Variants in KNOP1 observed in about 807,000 individuals in gnomAD.
KNOP1 encodes lysine rich nucleolar protein 1.
KNOP1 carries 20 observed loss-of-function variants against 30.6 expected under a neutral mutation model. The observed-to-expected ratio is 0.65, with a 90% CI of 0.46 to 0.95. The LOEUF (loss-of-function observed/expected upper bound fraction) is 0.95. KNOP1 is among the 40% of genes least tolerant of loss of function. KNOP1 has a pLI of 0.00. For missense variants in KNOP1, 540 were observed against 562.0 expected (o/e 0.96, Z 0.40); for synonymous variants, 204 against 210.0 (o/e 0.97, Z 0.25).
At position 19,715,165 on chromosome 16, in the gene KNOP1, T is replaced by C. The variant is rs538195900; in HGVS notation, c.-2-128A>G. On this transcript the variant is annotated intron_variant, in intron 1 of 4. Transcript: ENST00000219837. ...CGTTGTGGGACAGGGAAAATGGACA[T>C]GATTCCTTTAAAGCAAAAAAAGAAA... 9 of 626,022 alleles carry C rather than the reference T, an allele frequency of 1.4e-5. No individual in the cohort carries two copies. In the East Asian group the frequency reaches 1.9e-4, roughly 14 times the overall value. The allele number at this position is 626,022 out of a possible 1,614,324, so 38.8% of individuals were successfully genotyped here. A position where few individuals can be genotyped will look rare whatever the true frequency, so the allele number is the denominator to read the frequency against.
intron 1 of KNOP1, chr16:19,715,455 C>G (rs1597477690): frequency 6.8e-6 from 1 of 147,384 alleles, no homozygotes; most frequent in East Asian, 2.0e-4. Context: ...TGCTCTGTCA[C>G]CCAAGCTGGA....
rs960887381 is a variant in KNOP1 at position 19,703,815 on chromosome 16, A to T, written c.*3095T>A. 2 of 152,230 alleles carry T rather than the reference A, an allele frequency of 1.3e-5. No homozygotes were observed. The highest frequency in any genetic ancestry group is 2.4e-5 in the African/African-American group (1 of 41,462). The allele number at this position is 152,230 out of a possible 1,614,324, so 9.4% of individuals were successfully genotyped here. ...TAAGTCCATTCTGAAGACACCCAGCATTGTGGTGTCTTGGCTGCCCAACCT... is the reference window on the plus strand; with the variant it reads ...TAAGTCCATTCTGAAGACACCCAGCTTTGTGGTGTCTTGGCTGCCCAACCT... On this transcript the variant is annotated 3_prime_UTR_variant, in exon 5 of 5. Coordinates refer to ENST00000219837, the MANE Select transcript of KNOP1 (RefSeq NM_001012991.3).
intron 4 of KNOP1, among the ~76,000 whole-genome samples, chr16:19,708,555 T>C (rs571504629): frequency 4.2e-4 from 64 of 152,236 alleles, no homozygotes; most frequent in African/African-American, 1.4e-3. Context: ...GCACGATGCA[T>C]GGCACACCTC....
chr16:19,713,878 A>G (rs1475380251), intron 2 of KNOP1, among the ~76,000 whole-genome samples: 2 of 152,168 alleles, frequency 1.3e-5, no homozygotes, highest in Non-Finnish European at 2.9e-5. Context: ...GATACCTGCA[A>G]TTATCGATGA....
intron 1 of KNOP1, chr16:19,717,707 G>A: frequency 1.0e-6 from 1 of 987,800 alleles, no homozygotes; most frequent in East Asian, 1.1e-4. Flanking sequence ...ACAGCCTTGT[G>A]AAGATCTTTG....
chr16:19,714,367 A>C lies in KNOP1; in HGVS notation c.669T>G (p.Asp223Glu). 1.9e-6 allele frequency: 3 copies of C among 1,613,032 alleles called. No homozygotes were observed. The highest frequency in any genetic ancestry group is 2.5e-6 in the Non-Finnish European group (3 of 1,179,748). The change falls in exon 2 of 5, where the codon GAT (aspartate) becomes GAG (glutamate). Residue 223 changes from aspartate to glutamate, a missense_variant. Asp to Glu is a conservative substitution (Grantham distance 45, BLOSUM62 2). Coordinates refer to ENST00000219837, the MANE Select transcript of KNOP1 (RefSeq NM_001012991.3). ...KKKKKIHQEG[D>E]ALPGHSKPSR... ...AGGGCTTGGAGTGGCCTGGGAGGGC[A>C]TCTCCCTCCTGGTGGATTTTTTTTT...
At chr16:19,716,450 G>A (rs1408215121) in intron 1 of KNOP1, 1 of 152,322 alleles carries the variant, frequency 6.6e-6, no homozygotes, top group Non-Finnish European at 1.5e-5. Context: ...ACTGCAGGAT[G>A]GTGGTATTAA....
At position 19,704,934 on chromosome 16, in the gene KNOP1, G is replaced by C; in HGVS notation, c.*1976C>G. The C allele has an allele frequency of 3.1e-6, 1 of 318,224 alleles. No individual in the cohort carries two copies. The highest frequency in any genetic ancestry group is 2.7e-5 in the South Asian group (1 of 36,886). 19.7% of individuals were successfully genotyped at this position (318,224 alleles called of 1,614,324 possible). On this transcript the variant is annotated 3_prime_UTR_variant, in exon 5 of 5. Coordinates refer to ENST00000219837, the MANE Select transcript of KNOP1 (RefSeq NM_001012991.3). ...GTGCCTGCCTCACCTCTGCCCAATG[G>C]GCAGCTGTGGACACCATGGCCACTT...
At chr16:19,709,665 C>A (rs1038392076) in intron 4 of KNOP1, among the ~76,000 whole-genome samples, 5 of 152,200 alleles carry the variant, frequency 3.3e-5, no homozygotes, top group African/African-American at 7.2e-5. Flanking sequence ...CCTTAGGGGT[C>A]TGCACCGGCC....
chr16:19,710,380 C>G, intron 4 of KNOP1, 129 bp downstream of exon 4: 1 of 881,406 alleles, frequency 1.1e-6, no homozygotes, highest in Non-Finnish European at 1.9e-6. Flanking sequence ...GAGCCTGCTG[C>G]AGGCTAGGGC....
intron 1 of KNOP1, chr16:19,716,428 T>A (rs957979548): frequency 2.0e-5 from 3 of 152,244 alleles, no homozygotes; most frequent in African/African-American, 7.2e-5. Context: ...TCAGGAAAAT[T>A]TCTGAAGAAC....
chr16:19,711,385 G>A lies in KNOP1; in HGVS notation c.974C>T (p.Ala325Val), dbSNP rs752388534. 6.2e-6 allele frequency: 10 copies of A among 1,613,972 alleles called. No individual in the cohort carries two copies. Among genetic ancestry groups the A allele is most frequent in the Middle Eastern group, 1.7e-4 (1 of 5,994 alleles). Residue 325 changes from alanine (A) to valine (V), a missense_variant, in exon 3 of 5, where the codon GCG becomes GTG. Coordinates refer to ENST00000219837, the MANE Select transcript of KNOP1 (RefSeq NM_001012991.3). ...TCTGGGCTGTACCTGGTCTATGTGC[G>A]CCTCATCCATGTTGCCTTTTTTTTC... ...VLEKKGNMDE[A>V]HIDQVRRKAL...
At chr16:19,713,732 A>AT (rs1162490276) in intron 2 of KNOP1, among the ~76,000 whole-genome samples, 1 of 152,054 alleles carries the variant, frequency 6.6e-6, no homozygotes, top group Non-Finnish European at 1.5e-5. Context: ...ACGTTATCTC[A>AT]TGTTACTTGG....
chr16:19,714,345 G>A lies in KNOP1; in HGVS notation c.691C>T (p.Pro231Ser), dbSNP rs1337322492. The A allele has an allele frequency of 6.2e-7, 1 of 1,613,962 alleles. No homozygotes were observed. Among genetic ancestry groups the A allele is most frequent in the South Asian group, 1.1e-5 (1 of 91,054 alleles). ...EGDALPGHSKPSRSMESSPRK... is the reference protein window; with the variant it reads ...EGDALPGHSKSSRSMESSPRK... ...GGGCTGCTCTCCATGGACCTGGAGG[G>A]CTTGGAGTGGCCTGGGAGGGCATCT... Residue 231 changes from proline to serine, a missense_variant, in exon 2 of 5, where the codon CCC becomes TCC. Physicochemically the swap from Pro to Ser is moderately conservative, Grantham distance 74. Transcript: ENST00000219837.
rs372873662 is a variant in KNOP1 at position 19,707,026 on chromosome 16, C to G, written c.1261G>C (p.Asp421His). Residue 421 changes from aspartate (D) to histidine (H), a missense_variant, in exon 5 of 5, where the codon GAC (aspartate) becomes CAC (histidine). Physicochemically the swap from Asp to His is moderately conservative, Grantham distance 81 (BLOSUM62 -1). Coordinates refer to ENST00000219837, the MANE Select transcript of KNOP1 (RefSeq NM_001012991.3). The part of the protein sequence containing the change: ...SLQQNLQRDY[D>H]RAMSWKYSRG... Reference sequence around the variant, plus strand: ...CTGTACTTCCAGCTCATGGCCCGGTCGTAGTCCCGCTGCAGATTCTGCTGC... The same window carrying G: ...CTGTACTTCCAGCTCATGGCCCGGTGGTAGTCCCGCTGCAGATTCTGCTGC... 1.9e-6 allele frequency: 3 copies of G among 1,614,086 alleles called. No individual in the cohort carries two copies. The highest frequency in any genetic ancestry group is 1.3e-5 in the African/African-American group (1 of 75,050).
intron 4 of KNOP1, 104 bp from the exon 5 acceptor site, chr16:19,707,325 C>T: frequency 2.3e-6 from 2 of 867,790 alleles, no homozygotes; most frequent in South Asian, 1.5e-5. Context: ...TAGATGGCTG[C>T]TGTGTACCAG....
chr16:19,710,617 T>C (rs1555511335), intron 3 of KNOP1, 31 bp from the exon 4 acceptor site: 1 of 1,576,938 alleles, frequency 6.3e-7, no homozygotes, highest in Non-Finnish European at 8.7e-7. Context: ...AAGAGGGCCG[T>C]CAGACAGAGA....
At chr16:19,716,650 G>A (rs1472483993) in intron 1 of KNOP1, 1 of 152,204 alleles carries the variant, frequency 6.6e-6, no homozygotes, top group Admixed American at 6.6e-5. Flanking sequence ...CCTGAGACAA[G>A]ACTTCAAGAA....
chr16:19,714,120 C>T lies in KNOP1; in HGVS notation c.916G>A (p.Glu306Lys). The T allele has an allele frequency of 1.2e-6, 2 of 1,604,562 alleles. No individual in the cohort carries two copies. Among genetic ancestry groups the T allele is most frequent in the African/African-American group, 1.4e-5 (1 of 74,068 alleles). The change falls in exon 2 of 5, where the codon GAG becomes AAG. Residue 306 changes from glutamate (E) to lysine (K), a missense_variant and splice_region_variant. Physicochemically the swap from Glu to Lys is moderately conservative, Grantham distance 56. Coordinates refer to ENST00000219837, the MANE Select transcript of KNOP1 (RefSeq NM_001012991.3). ...ESGVAGDPWKEETDTDLEVVL... is the reference protein window; with the variant it reads ...ESGVAGDPWKKETDTDLEVVL... ...TCCATTTCTGAAGGAAAAACTACCT[C>T]CTTCCAAGGGTCTCCTGCTACCCCA...
Sources: allele counts gnomAD v4.1 joint callset (sites outside exome capture counted in the v4.1 genomes callset), GRCh38; gene constraint gnomAD v4.1.1; transcripts MANE v1.5; gene names NCBI Gene and HGNC (gene_info 2026-07-23, HGNC 2026-07-21).